ULK4: variants seen among roughly 807,000 people sequenced by gnomAD.
ULK4 encodes the protein inactive serine/threonine-protein kinase ULK4.
ULK4 carries 133 observed loss-of-function variants against 160.6 expected under a neutral mutation model. That is an observed-to-expected ratio of 0.83 (90% CI 0.72 to 0.96). The LOEUF is 0.96. Ranked by LOEUF, ULK4 falls within the 40% of genes least tolerant of loss-of-function variation. The pLI, the probability that ULK4 is intolerant of heterozygous loss-of-function variation, is 0.00. For synonymous variants in ULK4, 534 were observed against 539.8 expected (o/e 0.99, Z 0.15); for missense variants, 1,580 against 1,499.5 (o/e 1.05, Z -0.89).
chr3:41,258,462 G>A (rs2078877752), intron 35 of ULK4: 2 of 152,164 alleles, frequency 1.3e-5, no homozygotes, highest in Non-Finnish European at 2.9e-5. Context: ...AGAAAATAAT[G>A]CAAGAGAACG....
At chr3:41,841,153 G>A (rs1473920527) in intron 17 of ULK4, among the ~76,000 whole-genome samples, 1 of 99,138 alleles carries the variant, frequency 1.0e-5, no homozygotes, top group African/African-American at 7.5e-5. Context: ...CCCCGTCTGG[G>A]ATGTCAGCTG....
At chr3:41,374,384 C>T (rs2081434167) in intron 35 of ULK4, among the ~76,000 whole-genome samples, 1 of 152,194 alleles carries the variant, frequency 6.6e-6, no homozygotes, top group African/African-American at 2.4e-5. Context: ...TGTGAAAATC[C>T]TCAACAAAAT....
chr3:41,883,142 A>G (rs1452001242), intron 17 of ULK4, among the ~76,000 whole-genome samples: 2 of 152,228 alleles, frequency 1.3e-5, no homozygotes, highest in Non-Finnish European at 2.9e-5. Context: ...CTGGGATACT[A>G]TCCCAGCAAT....
chr3:41,871,964 G>A (rs1697111256), intron 17 of ULK4, among the ~76,000 whole-genome samples: 1 of 152,128 alleles, frequency 6.6e-6, no homozygotes, highest in Admixed American at 6.5e-5. Context: ...ATATAATAAA[G>A]ACTCTGGATA....
At chr3:41,491,837 C>A (rs138826490) in intron 32 of ULK4, among the ~76,000 whole-genome samples, 1 of 150,892 alleles carries the variant, frequency 6.6e-6, no homozygotes, top group Non-Finnish European at 1.5e-5. Flanking sequence ...CCCATTAACT[C>A]GTCATTTAGC....
intron 25 of ULK4, among the ~76,000 whole-genome samples, chr3:41,706,847 A>ATG (rs2036909765): frequency 1.8e-5 from 2 of 109,198 alleles, no homozygotes; most frequent in African/African-American, 7.5e-5. Flanking sequence ...AAAAAAAAAA[A>ATG]TATGTGTGTG....
At position 41,721,352 on chromosome 3, in the gene ULK4, A is replaced by G. The variant is rs1164463918; in HGVS notation, c.2322-3491T>C. On this transcript the variant is annotated intron_variant, in intron 22 of 36. Transcript: ENST00000301831. ...AATGTAAATATATATATATATATAT[A>G]TATATATATATTTTTTTTTTTTTTT... 2.6e-4 allele frequency among the ~76,000 whole-genome samples: 15 copies of G among 57,584 alleles called. No individual in the cohort carries two copies. The South Asian group carries it at 8.8e-3, about 34-fold the overall frequency. The allele number at this position is 57,584 out of a possible 152,430, so 37.8% of individuals were successfully genotyped here.
intron 19 of ULK4, among the ~76,000 whole-genome samples, chr3:41,806,828 A>G (rs1306714681): frequency 6.6e-6 from 1 of 152,228 alleles, no homozygotes. Context: ...TGACACCATT[A>G]AGCCTCATAG....
chr3:41,640,732 T>C (rs910403671), intron 30 of ULK4, among the ~76,000 whole-genome samples: 2 of 152,340 alleles, frequency 1.3e-5, no homozygotes, highest in African/African-American at 2.4e-5. Flanking sequence ...GCAAGGAACC[T>C]GGAAGAGACA....
At chr3:41,925,467 A>C (rs1186148649) in intron 5 of ULK4, among the ~76,000 whole-genome samples, 1 of 152,078 alleles carries the variant, frequency 6.6e-6, no homozygotes, top group Non-Finnish European at 1.5e-5. Context: ...CAAGCACAAA[A>C]CTGGGTGGCC....
At chr3:41,503,061 A>T (rs2085264664) in intron 32 of ULK4, among the ~76,000 whole-genome samples, 1 of 152,252 alleles carries the variant, frequency 6.6e-6, no homozygotes, top group African/African-American at 2.4e-5. Flanking sequence ...GCTTATCAAT[A>T]GTTACAGAAA....
intron 32 of ULK4, among the ~76,000 whole-genome samples, chr3:41,513,791 C>T (rs1437652884): frequency 6.6e-6 from 1 of 152,136 alleles, no homozygotes; most frequent in African/African-American, 2.4e-5. Context: ...AAAAATGATA[C>T]AATGGACTTT....
At chr3:41,942,821 A>T (rs1297947335) in intron 2 of ULK4, among the ~76,000 whole-genome samples, 2 of 135,558 alleles carry the variant, frequency 1.5e-5, no homozygotes, top group South Asian at 2.7e-4. Context: ...CATCTCAAAA[A>T]ATAAATTAAT....
intron 21 of ULK4, among the ~76,000 whole-genome samples, chr3:41,787,127 C>T (rs2125589424): frequency 2.0e-5 from 3 of 152,246 alleles, no homozygotes; most frequent in Middle Eastern, 3.4e-3. Flanking sequence ...ACCCCACCAG[C>T]AAAGAGCAAG....
intron 5 of ULK4, among the ~76,000 whole-genome samples, chr3:41,920,338 G>A (rs1050765873): frequency 6.6e-6 from 1 of 152,092 alleles, no homozygotes; most frequent in Non-Finnish European, 1.5e-5. Flanking sequence ...CATCACTTCC[G>A]CTCACACTTA....
intron 35 of ULK4, among the ~76,000 whole-genome samples, chr3:41,321,584 A>T: frequency 6.6e-6 from 1 of 152,080 alleles, no homozygotes. Context: ...CTCTAAAACC[A>T]TAACTGTTCT....
chr3:41,607,067 T>C (rs549633994), intron 31 of ULK4, among the ~76,000 whole-genome samples: 54 of 152,220 alleles, frequency 3.5e-4, no homozygotes, highest in African/African-American at 1.2e-3. Flanking sequence ...TTTCTTCTGG[T>C]AGTTTTACAT....
chr3:41,642,194 C>T (rs2034238631), intron 30 of ULK4, among the ~76,000 whole-genome samples: 1 of 151,194 alleles, frequency 6.6e-6, no homozygotes, highest in East Asian at 1.9e-4. Flanking sequence ...AGTTTTTACT[C>T]TTTTTTTTTA....
chr3:41,328,100 G>C (rs757826485), intron 35 of ULK4, among the ~76,000 whole-genome samples: 2 of 152,146 alleles, frequency 1.3e-5, no homozygotes, highest in African/African-American at 2.4e-5. Context: ...AGAGTGGAAC[G>C]GCCAGCCCTA....
Sources: gnomAD v4.1 joint callset for allele counts (sites outside exome capture counted in the v4.1 genomes callset) on GRCh38, gnomAD v4.1.1 for gene constraint, MANE v1.5 for transcripts, NCBI Gene and HGNC (gene_info 2026-07-23, HGNC 2026-07-21) for gene names.